The following GRM8 variants were observed in gnomAD, a reference collection of about 807,000 sequenced individuals.
The protein encoded by GRM8 is metabotropic glutamate receptor 8.
In GRM8, 47 loss-of-function variants were observed where a neutral mutation model predicts 87.2. That is an observed-to-expected ratio of 0.54 (90% CI 0.43 to 0.69). The LOEUF (loss-of-function observed/expected upper bound fraction) is 0.69, where lower values mean the gene tolerates loss of function less well. Among genes scored for constraint, GRM8 ranks in the 30% least tolerant of loss-of-function variants. The probability of loss-of-function intolerance (pLI) is 0.00; values close to 1 mark genes in which losing one functional copy is unlikely to be tolerated. For missense variants in GRM8, 1,019 were observed against 1,139.2 expected, an observed-to-expected ratio of 0.89 and a Z score of 1.52; for synonymous variants, 396 against 404.5, an observed-to-expected ratio of 0.98 and a Z score of 0.25.
At chr7:127,074,197 T>TAA (rs1822024175) in intron 3 of GRM8, among the ~76,000 whole-genome samples, 12 of 152,226 alleles carry the variant, frequency 7.9e-5, no homozygotes, top group African/African-American at 2.2e-4. Flanking sequence ...AATAAAATAG[T>TAA]ATTCTGTTGA....
rs185082401 is a variant in GRM8 at position 126,534,025 on chromosome 7, T to C, written c.1495-138A>G. 4.2e-3 allele frequency: 2,733 copies of C among 652,496 alleles called. 14 individuals are homozygous for C. The highest frequency in any genetic ancestry group is 5.6e-3 in the Non-Finnish European group (2,152 of 385,434). 40.4% of individuals were successfully genotyped at this position (652,496 alleles called of 1,614,324 possible). ...ACCATAATAAGAGTCTCGTTTTTTT[T>C]CCCCTGATATTGACTTTATGAAAGT... On this transcript the variant is annotated intron_variant, in intron 8 of 10. Transcript: ENST00000339582.
At chr7:127,022,283 T>C (rs1816354624) in intron 3 of GRM8, among the ~76,000 whole-genome samples, 1 of 152,034 alleles carries the variant, frequency 6.6e-6, no homozygotes, top group African/African-American at 2.4e-5. Flanking sequence ...AGTTCCAATG[T>C]GGTCTGTAAG....
intron 3 of GRM8, among the ~76,000 whole-genome samples, chr7:127,092,070 A>T (rs1824192730): frequency 1.0e-5 from 1 of 95,662 alleles, no homozygotes; most frequent in Non-Finnish European, 2.1e-5. Flanking sequence ...CCCACTGGTC[A>T]TCACCCCATC....
chr7:127,106,898 C>G (rs1314202742), intron 2 of GRM8, among the ~76,000 whole-genome samples, 186 bp from the exon 3 acceptor site: 1 of 152,238 alleles, frequency 6.6e-6, no homozygotes, highest in Non-Finnish European at 1.5e-5. Context: ...CTTACTTTCT[C>G]TCAATGCACA....
intron 2 of GRM8, among the ~76,000 whole-genome samples, chr7:127,115,256 C>A (rs1047132542): frequency 2.6e-5 from 4 of 152,026 alleles, no homozygotes; most frequent in African/African-American, 9.7e-5. Flanking sequence ...TTGTGGCAGG[C>A]CAAGCAGAAG....
intron 2 of GRM8, among the ~76,000 whole-genome samples, chr7:127,130,823 G>A (rs993380613): frequency 6.6e-6 from 1 of 152,098 alleles, no homozygotes; most frequent in Non-Finnish European, 1.5e-5. Flanking sequence ...GAGTTCTCAT[G>A]AGATCTGATG....
intron 6 of GRM8, among the ~76,000 whole-genome samples, chr7:126,882,317 G>T (rs1392691447): frequency 6.6e-6 from 1 of 151,212 alleles, no homozygotes; most frequent in East Asian, 1.9e-4. Context: ...TGCTTATTTT[G>T]CTCTGTCTCT....
chr7:127,149,292 G>T (rs1828718918), intron 2 of GRM8, among the ~76,000 whole-genome samples: 2 of 151,992 alleles, frequency 1.3e-5, no homozygotes, highest in African/African-American at 2.4e-5. Flanking sequence ...ACATAAAAAT[G>T]GCCAATAGAT....
chr7:127,079,177 G>C (rs1822595020), intron 3 of GRM8, among the ~76,000 whole-genome samples: 1 of 151,998 alleles, frequency 6.6e-6, no homozygotes, highest in African/African-American at 2.4e-5. Context: ...CTGGAGTGCA[G>C]TGGTATGATC....
At chr7:126,770,460 C>T (rs1240786233) in intron 6 of GRM8, among the ~76,000 whole-genome samples, 2 of 151,988 alleles carry the variant, frequency 1.3e-5, no homozygotes, top group Non-Finnish European at 2.9e-5. Flanking sequence ...ATTAGTGGCC[C>T]AAAGTAAGGT....
rs1195446867 is a variant in GRM8, at chr7:127,013,803, T to C, written c.727+92693A>G. 2.0e-5 allele frequency among the ~76,000 whole-genome samples: 3 copies of C among 152,128 alleles called. No individual in the cohort carries two copies. In the East Asian group the frequency reaches 5.8e-4, roughly 29 times the overall value. The stretch of plus-strand genomic sequence containing the variant: ...GAAGGAATGTCAAGCATAAAACCTA[T>C]AATCAAATCCTCTCTTCATGGAGCT... On this transcript the variant is annotated intron_variant, in intron 3 of 10. Transcript: ENST00000339582.
intron 2 of GRM8, among the ~76,000 whole-genome samples, chr7:127,190,879 T>C (rs559809404): frequency 5.9e-5 from 9 of 152,182 alleles, no homozygotes; most frequent in East Asian, 3.8e-4. Flanking sequence ...TGTGAATGAA[T>C]TGATTTCTTT....
chr7:127,124,054 A>G (rs1043943233), intron 2 of GRM8, among the ~76,000 whole-genome samples: 12 of 152,242 alleles, frequency 7.9e-5, no homozygotes, highest in East Asian at 7.7e-4. Flanking sequence ...GGTCCTTTCT[A>G]CTGGCATTTG....
At chr7:127,124,254 G>A (rs1045594152) in intron 2 of GRM8, among the ~76,000 whole-genome samples, 22 of 152,044 alleles carry the variant, frequency 1.4e-4, no homozygotes, top group Non-Finnish European at 3.2e-4. Flanking sequence ...CATTGAGACC[G>A]GCTTTTGTCC....
At chr7:126,744,721 T>C (rs1459620559) in intron 7 of GRM8, among the ~76,000 whole-genome samples, 1 of 151,990 alleles carries the variant, frequency 6.6e-6, no homozygotes, top group African/African-American at 2.4e-5. Context: ...GAAAATGTTA[T>C]GAAAATACTC....
intron 6 of GRM8, among the ~76,000 whole-genome samples, chr7:126,817,417 G>A (rs191584361): frequency 1.9e-4 from 29 of 152,148 alleles, no homozygotes; most frequent in Non-Finnish European, 3.4e-4. Flanking sequence ...GAATATGCAT[G>A]GGGCTTCACT....
chr7:127,144,999 G>A (rs1655942655), intron 2 of GRM8, among the ~76,000 whole-genome samples: 8 of 151,972 alleles, frequency 5.3e-5, no homozygotes, highest in Admixed American at 5.2e-4. Flanking sequence ...TTTGCATTAA[G>A]TCGACAAACA....
At chr7:126,964,891 A>T (rs1809685247) in intron 3 of GRM8, among the ~76,000 whole-genome samples, 1 of 152,212 alleles carries the variant, frequency 6.6e-6, no homozygotes, top group South Asian at 2.1e-4. Flanking sequence ...TCCCAATAGC[A>T]AAGACTTGGA....
At chr7:126,841,878 C>T (rs894085970) in intron 6 of GRM8, among the ~76,000 whole-genome samples, 4 of 151,802 alleles carry the variant, frequency 2.6e-5, no homozygotes, top group Non-Finnish European at 4.4e-5. Context: ...GTTATCTGCC[C>T]GCCTCGGCCT....
Sources: gnomAD v4.1 joint callset for allele counts (sites outside exome capture counted in the v4.1 genomes callset) on GRCh38, gnomAD v4.1.1 for gene constraint, MANE v1.5 for transcripts, NCBI Gene and HGNC (gene_info 2026-07-23, HGNC 2026-07-21) for gene names.